Variants in NPHP4 observed in about 807,000 individuals in gnomAD.
NPHP4 encodes the protein nephrocystin-4.
Under a neutral mutation model 155.8 loss-of-function variants are expected in NPHP4, and 151 were observed. That is an observed-to-expected ratio of 0.97 (90% CI 0.85 to 1.11). The LOEUF is 1.11. Ranked by LOEUF, NPHP4 falls within the 50% of genes least tolerant of loss-of-function variation. The pLI is 0.00. For synonymous variants in NPHP4, 845 were observed against 816.8 expected, an observed-to-expected ratio of 1.03 and a Z score of -0.59; for missense variants, 1,956 against 1,925.7, an observed-to-expected ratio of 1.02 and a Z score of -0.29.
In NPHP4 at chr1:5,887,375, C is replaced by G; in HGVS notation, c.2396G>C (p.Ser799Thr). ...GCGGCCAAACCCCAGCATGTCTCCA[C>G]TCACCACCATGTTGTCCTGCTCGTA... is the stretch of plus-strand genomic sequence containing the variant. ...TEYEQDNMVV[S>T]GDMLGFGRVK... is the part of the protein sequence containing the mutation. Residue 799 changes from serine (S) to threonine (T), a missense_variant, in exon 18 of 30, where the codon AGT becomes ACT. By Grantham distance (58) the Ser-to-Thr change is moderately conservative (BLOSUM62 1). Transcript: ENST00000378156. The G allele has an allele frequency of 6.2e-7, 1 of 1,613,610 alleles. No individual in the cohort carries two copies. Among genetic ancestry groups the G allele is most frequent in the Non-Finnish European group, 8.5e-7 (1 of 1,179,898 alleles).
chr1:5,880,021 ACACACGCATG>A lies in NPHP4; in HGVS notation c.2611+83_2611+92del. Reference sequence around the variant, plus strand: ...GAATGGTGCACACACACACACATGCACACACGCATGCACACACACACACACGCAGTCTTCC... The same window carrying A: ...GAATGGTGCACACACACACACATGCACACACACACACACACGCAGTCTTCC... On this transcript the variant is annotated intron_variant, in intron 19 of 29. Transcript: ENST00000378156. 5.6e-6 allele frequency: 8 copies of A among 1,416,238 alleles called. No individual in the cohort carries two copies. In the South Asian group the frequency reaches 7.4e-5, roughly 13 times the overall value. The allele number at this position is 1,416,238 out of a possible 1,614,324, so 87.7% of individuals were successfully genotyped here.
chr1:5,877,458 A>G, intron 19 of NPHP4, 160 bp from the exon 20 acceptor site: 1 of 490,144 alleles, frequency 2.0e-6, no homozygotes, highest in South Asian at 4.5e-5. Flanking sequence ...TGAGATCCAG[A>G]TAAAGATGAT....
At chr1:5,878,022 C>A (rs1025148100) in intron 19 of NPHP4, among the ~76,000 whole-genome samples, 1 of 152,228 alleles carries the variant, frequency 6.6e-6, no homozygotes, top group Non-Finnish European at 1.5e-5. Context: ...CCAGGCCACG[C>A]CAAAGGCTGA....
intron 19 of NPHP4, among the ~76,000 whole-genome samples, chr1:5,879,873 GCACA>G (rs920001291): frequency 7.6e-5 from 11 of 144,620 alleles, no homozygotes; most frequent in Non-Finnish European, 1.5e-4. Flanking sequence ...ACACACACAT[GCACA>G]CACAGACACG....
At chr1:5,912,970 G>A (rs142926847) in intron 11 of NPHP4, among the ~76,000 whole-genome samples, 1,634 of 152,256 alleles carry the variant, frequency 0.011, 28 homozygotes, top group African/African-American at 0.037. Context: ...GGCCAACGTG[G>A]TGAAGCCCCG....
chr1:5,977,606 G>T lies in NPHP4; in HGVS notation c.279+664C>A, dbSNP rs778489934. The stretch of plus-strand genomic sequence containing the variant: ...ATCATCACCCTGAGCCTAGCATGAT[G>T]CCCTGCAGAGAGCAGGTGCTGAATG... On this transcript the variant is annotated intron_variant, in intron 3 of 29. Transcript: ENST00000378156. Among the ~76,000 whole-genome samples the T allele has an allele frequency of 2.0e-5, 3 of 151,722 alleles. No homozygotes were observed. In the South Asian group the frequency reaches 6.3e-4, roughly 32 times the overall value.
Position 5,909,227 on chromosome 1 carries a change from C to CA in NPHP4, c.1442-15dup. 1 of 1,597,018 alleles carries CA rather than the reference C, an allele frequency of 6.3e-7. No individual in the cohort carries two copies. Among genetic ancestry groups the CA allele is most frequent in the African/African-American group, 1.3e-5 (1 of 74,780 alleles). ...GCGCTGGCGGGCCTGGGAGGAAGCA[C>CA]AGTGGGGTAGGAGAGGGAATGTGTC... is the stretch of plus-strand genomic sequence containing the variant. On this transcript the variant is annotated splice_polypyrimidine_tract_variant and intron_variant, in intron 11 of 29. Transcript: ENST00000378156.
intron 2 of NPHP4, among the ~76,000 whole-genome samples, chr1:5,982,508 G>A (rs77605224): frequency 0.018 from 2,764 of 152,226 alleles, 32 homozygotes; most frequent in South Asian, 0.026. Context: ...AGAATGTGTC[G>A]GCACTGTCAA....
intron 9 of NPHP4, among the ~76,000 whole-genome samples, chr1:5,934,469 A>G (rs1646433515): frequency 6.6e-6 from 1 of 152,044 alleles, no homozygotes; most frequent in Admixed American, 6.5e-5. Flanking sequence ...AACAACCCCC[A>G]AGCAGGAGGT....
At chr1:5,917,160 A>T (rs772604664) in intron 11 of NPHP4, among the ~76,000 whole-genome samples, 14 of 151,978 alleles carry the variant, frequency 9.2e-5, no homozygotes, top group Non-Finnish European at 1.5e-4. Context: ...GCCCTTAACC[A>T]TACAGTCAGG....
intron 11 of NPHP4, among the ~76,000 whole-genome samples, chr1:5,925,847 C>T (rs746732432): frequency 6.6e-6 from 1 of 152,160 alleles, no homozygotes; most frequent in Non-Finnish European, 1.5e-5. Flanking sequence ...GATCTCCTGA[C>T]CTTGTGATCC....
chr1:5,871,471 T>C (rs1017784516), intron 23 of NPHP4, among the ~76,000 whole-genome samples: 1 of 152,222 alleles, frequency 6.6e-6, no homozygotes, highest in Admixed American at 6.5e-5. Flanking sequence ...CTAACATTCA[T>C]CCTCACTTTC....
chr1:5,904,752 AG>A lies in NPHP4; in HGVS notation c.2007del (p.Phe670SerfsTer30), dbSNP rs1235304713. 8 of 1,614,020 alleles carry A rather than the reference AG, an allele frequency of 5.0e-6. No individual in the cohort carries two copies. The Admixed American group carries it at 6.7e-5, about 13-fold the overall frequency. On this transcript the variant is annotated frameshift_variant, in exon 16 of 30. Transcript: ENST00000378156. LOFTEE classifies it high-confidence loss of function. ...GTSWPKTVYF[T>X]FQFYRFPPAT... ...GCGGGTGGGAAGCGGTAGAACTGGA[AG>A]GTGAAATACACAGTCTTTGGCCATG... is the stretch of plus-strand genomic sequence containing the variant.
At chr1:5,967,194 A>G in intron 5 of NPHP4, 105 bp downstream of exon 5, 1 of 867,754 alleles carries the variant, frequency 1.2e-6, no homozygotes, top group Non-Finnish European at 1.8e-6. Flanking sequence ...AGCTAAGCAG[A>G]TAGCAGTTTA....
chr1:5,924,336 C>A (rs12745546), intron 11 of NPHP4, among the ~76,000 whole-genome samples: 25,934 of 151,932 alleles, frequency 0.17, 2,279 homozygotes, highest in African/African-American at 0.21. Flanking sequence ...GAAATAATGA[C>A]CACAATTTTT....
At chr1:5,912,156 G>A (rs1166459638) in intron 11 of NPHP4, among the ~76,000 whole-genome samples, 2 of 152,336 alleles carry the variant, frequency 1.3e-5, no homozygotes, top group Middle Eastern at 3.4e-3. Flanking sequence ...AGCAGAACCC[G>A]GCAGATCCTG....
chr1:5,937,931 C>T (rs563977281), intron 9 of NPHP4, among the ~76,000 whole-genome samples: 5 of 152,302 alleles, frequency 3.3e-5, no homozygotes, highest in South Asian at 2.1e-4. Flanking sequence ...TGGGAACACG[C>T]GCAGTCACAC....
chr1:5,874,759 A>G (rs1211762244), intron 21 of NPHP4, 102 bp from the exon 22 acceptor site: 50 of 1,515,202 alleles, frequency 3.3e-5, no homozygotes, highest in Admixed American at 1.5e-4. Context: ...GGAGTGGGAG[A>G]GAGAAGTCAA....
Position 5,867,618 on chromosome 1 carries a change from C to T in NPHP4, c.3472+122G>A. ...GCAGGAGAGAGAATTCCCCAGGCCC[C>T]ACGTGCTGCTCTGACAGCACCAGGG... is the stretch of plus-strand genomic sequence containing the variant. On this transcript the variant is annotated intron_variant, in intron 24 of 29. Transcript: ENST00000378156. The surrounding 1 kb of genome is among the most constrained non-coding windows in gnomAD (Gnocchi z 4.1). 1 of 993,158 alleles carries T rather than the reference C, an allele frequency of 1.0e-6. No individual in the cohort carries two copies. Among genetic ancestry groups the T allele is most frequent in the Non-Finnish European group, 1.5e-6 (1 of 673,516 alleles). 61.5% of individuals were successfully genotyped at this position (993,158 alleles called of 1,614,324 possible).
Sources: gnomAD v4.1 joint callset for allele counts (sites outside exome capture counted in the v4.1 genomes callset) on GRCh38, gnomAD v4.1.1 for gene constraint, Gnocchi (gnomAD v3.1) non-coding constraint, MANE v1.5 for transcripts, NCBI Gene and HGNC (gene_info 2026-07-23, HGNC 2026-07-21) for gene names.